Variants in DRAM2 observed in about 807,000 individuals in gnomAD.
DRAM2 encodes DNA damage-regulated autophagy modulator protein 2.
In DRAM2, 26 loss-of-function variants were observed where a neutral mutation model predicts 33.5. The observed-to-expected ratio is 0.78, with a 90% confidence interval of 0.57 to 1.08. The LOEUF (loss-of-function observed/expected upper bound fraction) is 1.08. DRAM2 is among the 50% of genes least tolerant of loss of function. The pLI is 0.00. For missense variants in DRAM2, 311 were observed against 318.1 expected, an observed-to-expected ratio of 0.98 and a Z score of 0.17; for synonymous variants, 98 against 109.5, an observed-to-expected ratio of 0.89 and a Z score of 0.66.
At chr1:111,122,472 G>C (rs1342432603) in intron 6 of DRAM2, 1 of 152,174 alleles carries the variant, frequency 6.6e-6, no homozygotes, top group Non-Finnish European at 1.5e-5. Flanking sequence ...TTAAAACACA[G>C]TGCTAGCCTC....
intron 3 of DRAM2, among the ~76,000 whole-genome samples, chr1:111,137,178 C>CG (rs1227432969): frequency 1.4e-5 from 2 of 138,594 alleles, no homozygotes; most frequent in South Asian, 2.4e-4. Flanking sequence ...GTGTGAACCC[C>CG]GGGGGGCGGA....
intron 2 of DRAM2, 65 bp downstream of exon 2, chr1:111,139,436 A>G (rs1464234240): frequency 6.6e-6 from 1 of 152,262 alleles, no homozygotes; most frequent in Admixed American, 6.5e-5. Context: ...CAGGGATCGT[A>G]ATTTCAAACT....
At chr1:111,138,251 T>C (rs929136648) in intron 2 of DRAM2, among the ~76,000 whole-genome samples, 2 of 152,232 alleles carry the variant, frequency 1.3e-5, no homozygotes, top group African/African-American at 4.8e-5. Context: ...TGACAGTTTA[T>C]AGAAGCAGGG....
intron 2 of DRAM2, among the ~76,000 whole-genome samples, chr1:111,137,957 C>G (rs1653599212): frequency 6.6e-6 from 1 of 152,278 alleles, no homozygotes; most frequent in Admixed American, 6.5e-5. Context: ...ATGTAAAGAA[C>G]ACAGCTGTGA....
At position 111,133,956 on chromosome 1, in the gene DRAM2, T is replaced by C. The variant is rs531313979; in HGVS notation, c.-14-2388A>G. 3.3e-5 allele frequency among the ~76,000 whole-genome samples: 5 copies of C among 152,318 alleles called. No homozygotes were observed. The East Asian group carries it at 7.7e-4, about 24-fold the overall frequency. The stretch of plus-strand genomic sequence containing the variant: ...AACCAGGGCACTCATTACATTTAAC[T>C]TGCTTGTTTGGTTTTCTCATCCTCA... On this transcript the variant is annotated intron_variant, in intron 3 of 9. Coordinates refer to ENST00000484310, the MANE Select transcript of DRAM2 (RefSeq NM_001349884.2).
intron 4 of DRAM2, among the ~76,000 whole-genome samples, chr1:111,130,771 C>T (rs1242698402): frequency 6.7e-6 from 1 of 149,946 alleles, no homozygotes; most frequent in East Asian, 2.0e-4. Context: ...CTGAGGTGGG[C>T]AGATCACAAA....
intron 6 of DRAM2, among the ~76,000 whole-genome samples, chr1:111,121,121 G>A (rs2101021610): frequency 6.6e-6 from 1 of 152,162 alleles, no homozygotes. Flanking sequence ...GTCTGATGGT[G>A]AAAAGGGTCA....
chr1:111,135,620 A>T (rs367619687), intron 3 of DRAM2, among the ~76,000 whole-genome samples: 1 of 152,228 alleles, frequency 6.6e-6, no homozygotes, highest in South Asian at 2.1e-4. Flanking sequence ...TTTGTTTTAC[A>T]TGTCTAAATC....
intron 3 of DRAM2, 68 bp from the exon 4 acceptor site, chr1:111,131,636 A>G: frequency 6.6e-7 from 1 of 1,519,464 alleles, no homozygotes; most frequent in Non-Finnish European, 9.0e-7. Flanking sequence ...TTAGCCATCC[A>G]TGCCCACAGC....
rs567180123 is a variant in DRAM2, at chr1:111,118,370, A to G, written c.694-103T>C. The G allele has an allele frequency of 6.5e-5, 48 of 740,274 alleles. No individual in the cohort carries two copies. The Middle Eastern group carries it at 1.1e-3, about 16-fold the overall frequency. The allele number at this position is 740,274 out of a possible 1,614,324, so 45.9% of individuals were successfully genotyped here. On this transcript the variant is annotated intron_variant, in intron 9 of 9. Coordinates refer to ENST00000484310, the MANE Select transcript of DRAM2 (RefSeq NM_001349884.2). ...ACCTTGTGATTATGAATGTAAATCA[A>G]TTCTAATGGTAGTGAGACAGCTGTT...
intron 2 of DRAM2, among the ~76,000 whole-genome samples, chr1:111,138,634 A>C (rs1265572715): frequency 6.6e-6 from 1 of 152,196 alleles, no homozygotes; most frequent in African/African-American, 2.4e-5. Flanking sequence ...AAATACAAAA[A>C]TTAGCTGGGC....
intron 9 of DRAM2, 177 bp downstream of exon 9, chr1:111,118,628 C>T: frequency 3.7e-6 from 2 of 544,404 alleles, no homozygotes; most frequent in African/African-American, 2.0e-5. Flanking sequence ...TACACTACTT[C>T]TTTAAACACA....
Position 111,117,575 on chromosome 1 carries a change from T to C in DRAM2, c.*585A>G, listed in dbSNP as rs1275303382. ...TTGTGGCCAGAAAAAAAAAAATCGT[T>C]ACCTACAAAATCTCTTGGGCAACAC... On this transcript the variant is annotated 3_prime_UTR_variant, in exon 10 of 10. Transcript: ENST00000484310. 1 of 152,630 alleles carries C rather than the reference T, an allele frequency of 6.6e-6. No individual in the cohort carries two copies. Among genetic ancestry groups the C allele is most frequent in the African/African-American group, 2.4e-5 (1 of 41,428 alleles). The allele number at this position is 152,630 out of a possible 1,614,324, so 9.5% of individuals were successfully genotyped here.
intron 4 of DRAM2, among the ~76,000 whole-genome samples, chr1:111,126,838 C>T (rs2101054523): frequency 1.3e-5 from 2 of 152,306 alleles, no homozygotes; most frequent in Middle Eastern, 6.8e-3. Flanking sequence ...ACATTCAAGA[C>T]AGTTTTGAGT....
At chr1:111,134,564 G>C (rs1411345998) in intron 3 of DRAM2, among the ~76,000 whole-genome samples, 1 of 152,374 alleles carries the variant, frequency 6.6e-6, no homozygotes, top group South Asian at 2.1e-4. Flanking sequence ...ATCATGACAA[G>C]TCCTTGCCAA....
In DRAM2 at chr1:111,126,314, G is replaced by A. The variant is rs1029894288; in HGVS notation, c.132-20C>T. 2.6e-6 allele frequency: 4 copies of A among 1,538,140 alleles called. No homozygotes were observed. The highest frequency in any genetic ancestry group is 3.4e-5 in the Admixed American group (2 of 59,198). Reference sequence around the variant, plus strand: ...GTGTCACTGAAAGAAAAAAAGGAAGGTATGTGGATTTCTCATACTAGATAA... The same window carrying A: ...GTGTCACTGAAAGAAAAAAAGGAAGATATGTGGATTTCTCATACTAGATAA... On this transcript the variant is annotated intron_variant, in intron 4 of 9. Transcript: ENST00000484310.
At chr1:111,121,779 AAAT>A (rs1308671762) in intron 6 of DRAM2, among the ~76,000 whole-genome samples, 2 of 152,182 alleles carry the variant, frequency 1.3e-5, no homozygotes, top group Non-Finnish European at 2.9e-5. Context: ...ATAAGTTACT[AAAT>A]AATTAATGAA....
intron 4 of DRAM2, among the ~76,000 whole-genome samples, chr1:111,129,357 G>T (rs908734622): frequency 6.6e-6 from 1 of 151,994 alleles, no homozygotes; most frequent in African/African-American, 2.4e-5. Context: ...TACTTTCAGG[G>T]GTGGACCTAA....
At chr1:111,120,075 T>G in intron 7 of DRAM2, 116 bp from the exon 8 acceptor site, 1 of 872,310 alleles carries the variant, frequency 1.1e-6, no homozygotes, top group Non-Finnish European at 1.8e-6. Flanking sequence ...CCCATTTTCT[T>G]AAAGACTTAA....
Sources: allele counts gnomAD v4.1 joint callset (sites outside exome capture counted in the v4.1 genomes callset), GRCh38; gene constraint gnomAD v4.1.1; transcripts MANE v1.5; gene names NCBI Gene and HGNC (gene_info 2026-07-23, HGNC 2026-07-21).